NXN: variants seen among roughly 807,000 people sequenced by gnomAD.
NXN encodes the protein nucleoredoxin.
NXN carries 16 observed loss-of-function variants against 48.6 expected under a neutral mutation model. That is an observed-to-expected ratio of 0.33 (90% CI 0.22 to 0.50). The LOEUF is 0.50. Ranked by LOEUF, NXN falls within the 20% of genes least tolerant of loss-of-function variation. The probability of loss-of-function intolerance (pLI) is 0.98; values close to 1 mark genes in which losing one functional copy is unlikely to be tolerated. For missense variants in NXN, 492 were observed against 605.5 expected (o/e 0.81, Z 1.97); for synonymous variants, 281 against 269.6 (o/e 1.04, Z -0.41).
intron 1 of NXN, chr17:909,949 T>G (rs764639540): frequency 1.6e-4 from 25 of 152,170 alleles, no homozygotes; most frequent in Admixed American, 4.6e-4. Context: ...GATATCGCCT[T>G]TAATATCTAT....
chr17:896,113 G>A (rs972229289), intron 1 of NXN, among the ~76,000 whole-genome samples: 13 of 152,104 alleles, frequency 8.5e-5, no homozygotes, highest in South Asian at 2.1e-4. Flanking sequence ...GCTGAGGCAG[G>A]CGGATCACCT....
At position 956,144 on chromosome 17, in the gene NXN, T is replaced by A. The variant is rs1190998838; in HGVS notation, c.360+23175A>T. ...TGACAGCACCAATAAACACTGAGAC[T>A]CACCTTTCTGCTTGGAATTCCAAAC... On this transcript the variant is annotated intron_variant, in intron 1 of 7. Transcript: ENST00000336868. The surrounding 1 kb of genome is among the most constrained non-coding windows in gnomAD (Gnocchi z 4.1). Among the ~76,000 whole-genome samples the A allele has an allele frequency of 1.3e-5, 2 of 152,126 alleles. No individual in the cohort carries two copies. The highest frequency in any genetic ancestry group is 3.9e-4 in the East Asian group (2 of 5,188).
In NXN at chr17:958,618, A is replaced by G. The variant is rs1012199975; in HGVS notation, c.360+20701T>C. ...AAACCCCATCTGTACTAAAAATACA[A>G]AAATTAGCCAGGCGTGGTGGCGTGC... is the stretch of plus-strand genomic sequence containing the variant. On this transcript the variant is annotated intron_variant, in intron 1 of 7. Coordinates refer to ENST00000336868, the MANE Select transcript of NXN (RefSeq NM_022463.5). The surrounding 1 kb of genome is among the most constrained non-coding windows in gnomAD (Gnocchi z 6.9). Among the ~76,000 whole-genome samples, 1 of 152,180 alleles carries G rather than the reference A, an allele frequency of 6.6e-6. No individual in the cohort carries two copies. The highest frequency in any genetic ancestry group is 1.5e-5 in the Non-Finnish European group (1 of 68,028).
intron 1 of NXN, among the ~76,000 whole-genome samples, chr17:893,844 T>A (rs76554676): frequency 1.1e-3 from 7 of 6,272 alleles, no homozygotes; most frequent in Admixed American, 3.5e-3. Flanking sequence ...AGAGGAAGCA[T>A]CTCAACTCCC....
At chr17:941,928 C>T (rs2068980151) in intron 1 of NXN, among the ~76,000 whole-genome samples, 1 of 54,492 alleles carries the variant, frequency 1.8e-5, no homozygotes, top group Middle Eastern at 0.014. Flanking sequence ...CCTGGATTTA[C>T]AGCGAACAAG....
chr17:820,011 C>G (rs895602664), intron 4 of NXN, among the ~76,000 whole-genome samples: 1 of 152,200 alleles, frequency 6.6e-6, no homozygotes, highest in Admixed American at 6.5e-5. Flanking sequence ...GCGGCAGAAG[C>G]GGATCAGGGG....
At chr17:975,556 C>G (rs1314237555) in intron 1 of NXN, among the ~76,000 whole-genome samples, 4 of 152,160 alleles carry the variant, frequency 2.6e-5, no homozygotes, top group Non-Finnish European at 5.9e-5. Context: ...GATACTGGAC[C>G]AGGGTCCCCT....
chr17:903,557 A>AT (rs1196215927), intron 1 of NXN, among the ~76,000 whole-genome samples: 1 of 151,834 alleles, frequency 6.6e-6, no homozygotes, highest in Non-Finnish European at 1.5e-5. Context: ...TAACTTTAAA[A>AT]TTTTTTGTAA....
At chr17:839,145 G>A (rs888302354) in intron 1 of NXN, among the ~76,000 whole-genome samples, 4 of 152,020 alleles carry the variant, frequency 2.6e-5, no homozygotes, top group Non-Finnish European at 4.4e-5. Flanking sequence ...GGTTCATAGT[G>A]AGCGTCAGGC....
At chr17:948,047 AAAAAC>A (rs750838659) in intron 1 of NXN, among the ~76,000 whole-genome samples, 1 of 151,984 alleles carries the variant, frequency 6.6e-6, no homozygotes, top group Non-Finnish European at 1.5e-5. Context: ...ACTCTCTCTC[AAAAAC>A]AAAACAAAAC....
chr17:922,872 C>T (rs1355842758), intron 1 of NXN, among the ~76,000 whole-genome samples: 2 of 152,048 alleles, frequency 1.3e-5, no homozygotes, highest in African/African-American at 4.8e-5. Flanking sequence ...AGGATGGTCT[C>T]GATCTCCTGA....
At chr17:881,045 G>A (rs920019676) in intron 1 of NXN, among the ~76,000 whole-genome samples, 2 of 152,094 alleles carry the variant, frequency 1.3e-5, no homozygotes, top group Admixed American at 1.3e-4. Flanking sequence ...CTCTCAACAA[G>A]CAGATATGAA....
In NXN at chr17:979,586, G is replaced by A. The variant is rs1422263875; in HGVS notation, c.93C>T (p.Ile31=). The change falls in exon 1 of 8, where the codon ATC becomes ATT. Residue 31 remains isoleucine (I), a synonymous_variant. Coordinates refer to ENST00000336868, the MANE Select transcript of NXN (RefSeq NM_022463.5). ...AGCCGAAGTAGAGACCCAGCAGCGA[G>A]ATGCCGCGGGCGCCCAGCGAGTGCA... is the stretch of plus-strand genomic sequence containing the variant. ...VDVHSLGARG[I]SLLGLYFGCS... 2.1e-6 allele frequency: 3 copies of A among 1,441,038 alleles called. No individual in the cohort carries two copies. The allele number at this position is 1,441,038 out of a possible 1,614,324, so 89.3% of individuals were successfully genotyped here.
intron 1 of NXN, among the ~76,000 whole-genome samples, chr17:916,770 C>T (rs956772700): frequency 1.3e-5 from 2 of 152,156 alleles, no homozygotes; most frequent in Non-Finnish European, 2.9e-5. Context: ...TGGTGGCGGA[C>T]ATCTGTAATC....
At chr17:891,462 T>C (rs1422733765) in intron 1 of NXN, among the ~76,000 whole-genome samples, 1 of 152,200 alleles carries the variant, frequency 6.6e-6, no homozygotes, top group Non-Finnish European at 1.5e-5. Flanking sequence ...AAGGTCATAA[T>C]ACAGCCCTGG....
intron 1 of NXN, among the ~76,000 whole-genome samples, chr17:933,647 T>C (rs2068876888): frequency 6.6e-6 from 1 of 151,784 alleles, no homozygotes; most frequent in African/African-American, 2.4e-5. Flanking sequence ...ATCTTGAAAT[T>C]CCCCCTTTCA....
chr17:840,855 T>G, intron 1 of NXN, among the ~76,000 whole-genome samples: 1 of 152,120 alleles, frequency 6.6e-6, no homozygotes, highest in Non-Finnish European at 1.5e-5. Context: ...ACTCCCAGGA[T>G]AAAGGACGGC....
In NXN at chr17:922,996, G is replaced by A. The variant is rs771050268; in HGVS notation, c.360+56323C>T. 7.1e-4 allele frequency among the ~76,000 whole-genome samples: 108 copies of A among 152,142 alleles called. 1 individual carries two copies. The highest frequency in any genetic ancestry group is 3.4e-3 in the Middle Eastern group (1 of 294). On this transcript the variant is annotated intron_variant, in intron 1 of 7. Coordinates refer to ENST00000336868, the MANE Select transcript of NXN (RefSeq NM_022463.5). The stretch of plus-strand genomic sequence containing the variant: ...GTGCCGTGTGTGGCTCCCAGGGCCT[G>A]AGCTGGGAGCCCAGAGTCTTCATCT...
chr17:803,946 T>G, intron 6 of NXN, 140 bp from the exon 7 acceptor site: 1 of 1,054,366 alleles, frequency 9.5e-7, no homozygotes, highest in Non-Finnish European at 1.4e-6. Flanking sequence ...TCCCCTTGGA[T>G]GCAGGTCTTG....
Sources: allele counts gnomAD v4.1 joint callset (sites outside exome capture counted in the v4.1 genomes callset), GRCh38; gene constraint gnomAD v4.1.1; non-coding constraint Gnocchi (gnomAD v3.1); transcripts MANE v1.5; gene names NCBI Gene and HGNC (gene_info 2026-07-23, HGNC 2026-07-21).